Variants in KIAA1549L observed in about 807,000 individuals in gnomAD.
KIAA1549L encodes KIAA1549 like, also known as UPF0606 protein KIAA1549L.
In KIAA1549L, 88 loss-of-function variants were observed where a neutral mutation model predicts 160.7. That is an observed-to-expected ratio of 0.55 (90% confidence interval 0.46 to 0.65). KIAA1549L has a LOEUF of 0.65. Ranked by LOEUF, KIAA1549L falls within the 30% of genes least tolerant of loss-of-function variation. The probability of loss-of-function intolerance (pLI) is 0.00; values close to 1 mark genes in which losing one functional copy is unlikely to be tolerated. For synonymous variants in KIAA1549L, 950 were observed against 976.7 expected (o/e 0.97, Z 0.51); for missense variants, 2,258 against 2,437.5 (o/e 0.93, Z 1.55).
At chr11:33,493,257 A>G (rs1394601053) in intron 1 of KIAA1549L, among the ~76,000 whole-genome samples, 1 of 152,194 alleles carries the variant, frequency 6.6e-6, no homozygotes, top group African/African-American at 2.4e-5. Flanking sequence ...ATTAATACCA[A>G]TTATAAAAGG....
intron 16 of KIAA1549L, among the ~76,000 whole-genome samples, chr11:33,631,520 C>G (rs897619227): frequency 6.6e-6 from 1 of 152,198 alleles, no homozygotes; most frequent in Admixed American, 6.5e-5. Flanking sequence ...CATCCGTGGT[C>G]TCTACCTATG....
At chr11:33,600,710 AT>A in intron 13 of KIAA1549L, among the ~76,000 whole-genome samples, 1 of 152,212 alleles carries the variant, frequency 6.6e-6, no homozygotes, top group Non-Finnish European at 1.5e-5. Flanking sequence ...CCTTTTTACT[AT>A]GCATATGGCA....
At chr11:33,434,568 G>T (rs530291765) in intron 1 of KIAA1549L, among the ~76,000 whole-genome samples, 22 of 152,314 alleles carry the variant, frequency 1.4e-4, no homozygotes, top group African/African-American at 5.1e-4. Context: ...GCACAAGCTA[G>T]CTGCACAAGA....
At chr11:33,587,138 A>C (rs1380375038) in intron 11 of KIAA1549L, among the ~76,000 whole-genome samples, 1 of 152,238 alleles carries the variant, frequency 6.6e-6, no homozygotes, top group Non-Finnish European at 1.5e-5. Context: ...AGATATGTCT[A>C]GTATATAATA....
intron 1 of KIAA1549L, among the ~76,000 whole-genome samples, chr11:33,441,313 T>G (rs1315058196): frequency 1.3e-5 from 2 of 152,024 alleles, no homozygotes; most frequent in East Asian, 3.8e-4. Flanking sequence ...CTTAATCCAG[T>G]CTATCATTGT....
intron 1 of KIAA1549L, among the ~76,000 whole-genome samples, chr11:33,486,759 T>A (rs2133058600): frequency 6.6e-6 from 1 of 152,048 alleles, no homozygotes; most frequent in South Asian, 2.1e-4. Context: ...AAAAAAAAAA[T>A]CTATGAATAA....
At chr11:33,389,410 C>T (rs561755303) in intron 1 of KIAA1549L, among the ~76,000 whole-genome samples, 2 of 152,256 alleles carry the variant, frequency 1.3e-5, no homozygotes, top group African/African-American at 4.8e-5. Flanking sequence ...AGATTTGTAT[C>T]CTTCATTGTC....
chr11:33,382,443 A>G (rs1442961518), intron 1 of KIAA1549L, among the ~76,000 whole-genome samples: 1 of 152,102 alleles, frequency 6.6e-6, no homozygotes, highest in East Asian at 1.9e-4. Context: ...TTCAAGAGAG[A>G]AAGGAAAAAG....
chr11:33,580,097 G>T (rs1855584400), intron 10 of KIAA1549L, among the ~76,000 whole-genome samples: 1 of 152,166 alleles, frequency 6.6e-6, no homozygotes, highest in Admixed American at 6.5e-5. Context: ...TCACCTCTGG[G>T]TGACAAGGCA....
chr11:33,489,407 A>G (rs1429776983), intron 1 of KIAA1549L, among the ~76,000 whole-genome samples: 1 of 152,148 alleles, frequency 6.6e-6, no homozygotes, highest in Non-Finnish European at 1.5e-5. Context: ...GTCCTAATCT[A>G]ATTACTTCCA....
intron 1 of KIAA1549L, among the ~76,000 whole-genome samples, chr11:33,495,911 T>C (rs1370346484): frequency 6.6e-6 from 1 of 152,052 alleles, no homozygotes; most frequent in Non-Finnish European, 1.5e-5. Flanking sequence ...GTTTTTTGGC[T>C]GCATAAATGT....
At chr11:33,453,622 A>G (rs1412406385) in intron 1 of KIAA1549L, among the ~76,000 whole-genome samples, 1 of 152,188 alleles carries the variant, frequency 6.6e-6, no homozygotes, top group East Asian at 1.9e-4. Flanking sequence ...TTCTGGGCTC[A>G]AAAAGCAAGA....
At chr11:33,549,270 G>A (rs1854373374) in intron 4 of KIAA1549L, among the ~76,000 whole-genome samples, 1 of 152,194 alleles carries the variant, frequency 6.6e-6, no homozygotes, top group Non-Finnish European at 1.5e-5. Context: ...TGGTAAGAAT[G>A]AGAATAATGG....
At chr11:33,556,107 G>A (rs953331304) in intron 6 of KIAA1549L, among the ~76,000 whole-genome samples, 3 of 152,250 alleles carry the variant, frequency 2.0e-5, no homozygotes, top group East Asian at 3.9e-4. Flanking sequence ...AAAACCATGA[G>A]ATACCTATTC....
At chr11:33,479,342 C>T (rs941027406) in intron 1 of KIAA1549L, among the ~76,000 whole-genome samples, 3 of 152,118 alleles carry the variant, frequency 2.0e-5, no homozygotes, top group African/African-American at 4.8e-5. Context: ...GATTGGCCAG[C>T]GTTAGGAAGA....
chr11:33,619,916 C>T (rs1850914059), intron 16 of KIAA1549L, among the ~76,000 whole-genome samples: 1 of 152,226 alleles, frequency 6.6e-6, no homozygotes, highest in South Asian at 2.1e-4. Context: ...TCTTTCCCCA[C>T]CAACAGTGAA....
At chr11:33,650,894 G>A (rs1851864877) in intron 17 of KIAA1549L, among the ~76,000 whole-genome samples, 1 of 152,164 alleles carries the variant, frequency 6.6e-6, no homozygotes, top group African/African-American at 2.4e-5. Flanking sequence ...CTGATTCCTG[G>A]CCTTTCCTAG....
intron 4 of KIAA1549L, among the ~76,000 whole-genome samples, chr11:33,549,935 G>A (rs377442738): frequency 1.3e-5 from 2 of 151,704 alleles, no homozygotes; most frequent in Admixed American, 1.3e-4. Context: ...AGCCCAGGAG[G>A]TCAAGGCTGC....
At chr11:33,536,531 G>A (rs981387651) in intron 1 of KIAA1549L, among the ~76,000 whole-genome samples, 2 of 152,132 alleles carry the variant, frequency 1.3e-5, no homozygotes, top group African/African-American at 2.4e-5. Context: ...TCCCAAGAGC[G>A]AGCATTCCAG....
Sources: allele counts gnomAD v4.1 joint callset (sites outside exome capture counted in the v4.1 genomes callset), GRCh38; gene constraint gnomAD v4.1.1; transcripts MANE v1.5; gene names NCBI Gene and HGNC (gene_info 2026-07-23, HGNC 2026-07-21).